The following PTPN13 variants were observed in gnomAD, a reference collection of about 807,000 sequenced individuals.
The protein encoded by PTPN13 is protein tyrosine phosphatase non-receptor type 13, also known as tyrosine-protein phosphatase non-receptor type 13.
Under a neutral mutation model 284.0 loss-of-function variants are expected in PTPN13, and 191 were observed. The ratio of observed to expected loss-of-function variants is 0.67; its 90% CI spans 0.60 to 0.76. The LOEUF (loss-of-function observed/expected upper bound fraction) is 0.76, where lower values mean the gene tolerates loss of function less well. Ranked by LOEUF, PTPN13 falls within the 30% of genes least tolerant of loss-of-function variation. PTPN13 has a pLI of 0.00. For synonymous variants in PTPN13, 986 were observed against 1,022.3 expected, an observed-to-expected ratio of 0.96 and a Z score of 0.68; for missense variants, 2,797 against 2,939.9, an observed-to-expected ratio of 0.95 and a Z score of 1.12.
chr4:86,746,234 T>G (rs746357325), intron 17 of PTPN13, among the ~76,000 whole-genome samples: 2 of 152,214 alleles, frequency 1.3e-5, no homozygotes, highest in Non-Finnish European at 2.9e-5. Context: ...TTCAGAGAGA[T>G]AAAACTGATT....
intron 2 of PTPN13, among the ~76,000 whole-genome samples, chr4:86,653,449 C>A (rs573738323): frequency 6.6e-6 from 1 of 151,492 alleles, no homozygotes; most frequent in East Asian, 1.9e-4. Flanking sequence ...ATTACTGCAG[C>A]CATTTCAGCA....
chr4:86,752,946 A>G, intron 19 of PTPN13, 63 bp from the exon 20 acceptor site: 1 of 1,220,046 alleles, frequency 8.2e-7, no homozygotes, highest in East Asian at 2.4e-5. Flanking sequence ...ATCAGAAGAA[A>G]TCACTTCGAT....
chr4:86,813,914 C>T (rs1745508949), intron 47 of PTPN13, among the ~76,000 whole-genome samples: 2 of 151,890 alleles, frequency 1.3e-5, no homozygotes, highest in African/African-American at 4.8e-5. Flanking sequence ...TTCCATCCCG[C>T]ATCCCTCAGG....
At chr4:86,645,642 T>C (rs927649291) in intron 2 of PTPN13, among the ~76,000 whole-genome samples, 15 of 152,050 alleles carry the variant, frequency 9.9e-5, no homozygotes, top group African/African-American at 3.4e-4. Flanking sequence ...ACAAAAGATA[T>C]GAAGGCCTAT....
chr4:86,732,744 G>T lies in PTPN13; in HGVS notation c.1836G>T (p.Leu612Phe). 5.6e-6 allele frequency: 9 copies of T among 1,612,812 alleles called. No homozygotes were observed. The highest frequency in any genetic ancestry group is 7.6e-6 in the Non-Finnish European group (9 of 1,179,344). ...ATATTGGCTTAGTAGAGCATCATTT[G>T]TTTGCTTTAGCTACCCTCAAAGGTA... ...VAHIGLVEHHLFALATLKDNE... is the reference protein window; with the variant it reads ...VAHIGLVEHHFFALATLKDNE... The change falls in exon 12 of 48, where the codon TTG (leucine) becomes TTT (phenylalanine). Residue 612 changes from leucine to phenylalanine, a missense_variant. By Grantham distance (22) the Leu-to-Phe change is conservative. Coordinates refer to ENST00000411767, the MANE Select transcript of PTPN13 (RefSeq NM_080683.3).
chr4:86,700,419 T>C (rs1463623308), intron 6 of PTPN13, among the ~76,000 whole-genome samples: 1 of 152,116 alleles, frequency 6.6e-6, no homozygotes, highest in Non-Finnish European at 1.5e-5. Context: ...ATTCACAAAA[T>C]TAATTTCTGG....
intron 1 of PTPN13, among the ~76,000 whole-genome samples, chr4:86,601,086 A>G (rs1279125618): frequency 6.6e-6 from 1 of 152,140 alleles, no homozygotes; most frequent in Non-Finnish European, 1.5e-5. Context: ...GCTTAAAGCA[A>G]TGTATAACAT....
chr4:86,660,811 C>T (rs1332221011), intron 2 of PTPN13, among the ~76,000 whole-genome samples: 2 of 152,116 alleles, frequency 1.3e-5, no homozygotes, highest in African/African-American at 4.8e-5. Context: ...AGTCAATACA[C>T]TGTGTTTTAA....
intron 6 of PTPN13, among the ~76,000 whole-genome samples, chr4:86,699,047 T>C (rs981677063): frequency 6.6e-6 from 1 of 152,112 alleles, no homozygotes; most frequent in Non-Finnish European, 1.5e-5. Flanking sequence ...ATATTGGGGA[T>C]TGGCCTTCAA....
In PTPN13 at chr4:86,594,328, G is replaced by C. The variant is rs1437345576; in HGVS notation, c.-467G>C. ...CCCCAGTGGTGCGAGTAGCTCCAGC[G>C]GCCACGCTGAGGCGAGGGTGACACA... On this transcript the variant is annotated 5_prime_UTR_variant, in exon 1 of 48. Coordinates refer to ENST00000411767, the MANE Select transcript of PTPN13 (RefSeq NM_080683.3). 1 of 152,408 alleles carries C rather than the reference G, an allele frequency of 6.6e-6. No individual in the cohort carries two copies. Among genetic ancestry groups the C allele is most frequent in the Admixed American group, 6.5e-5 (1 of 15,280 alleles). The allele number at this position is 152,408 out of a possible 1,614,324, so 9.4% of individuals were successfully genotyped here. A position where few individuals can be genotyped will look rare whatever the true frequency, so the allele number is the denominator to read the frequency against.
chr4:86,609,475 C>G (rs2149189025), intron 1 of PTPN13, among the ~76,000 whole-genome samples: 1 of 152,206 alleles, frequency 6.6e-6, no homozygotes, highest in East Asian at 1.9e-4. Context: ...GTCACCGAAG[C>G]CAGGAGGAGA....
chr4:86,635,293 G>C lies in PTPN13; in HGVS notation c.37G>C (p.Gly13Arg). Residue 13 changes from glycine (G) to arginine (R), a missense_variant, in exon 2 of 48, where the codon GGT (glycine) becomes CGT (arginine). By Grantham distance (125) the Gly-to-Arg change is moderately radical. Coordinates refer to ENST00000411767, the MANE Select transcript of PTPN13 (RefSeq NM_080683.3). ...ACTAGCTGAGGCCCTGGAGGTTCGG[G>C]GTGGACCACTTCAGGAGGAAGAAAT... Reference protein sequence around the residue: ...VSLAEALEVRGGPLQEEEIWA... With the variant: ...VSLAEALEVRRGPLQEEEIWA... 2 of 1,607,208 alleles carry C rather than the reference G, an allele frequency of 1.2e-6. No individual in the cohort carries two copies. The highest frequency in any genetic ancestry group is 1.7e-6 in the Non-Finnish European group (2 of 1,177,114).
In PTPN13 at chr4:86,770,140, T is replaced by C; in HGVS notation, c.4744T>C (p.Phe1582Leu). 6.2e-7 allele frequency: 1 copy of C among 1,613,812 alleles called. No individual in the cohort carries two copies. The highest frequency in any genetic ancestry group is 8.5e-7 in the Non-Finnish European group (1 of 1,179,806). ...SALRGTAPEV[F>L]LLLCRPPPGV... is the part of the protein sequence containing the mutation. Reference sequence around the variant, plus strand: ...TCTCAGGGGAACTGCTCCAGAAGTATTCTTGCTTCTCTGCAGACCTCCACC... The same window carrying C: ...TCTCAGGGGAACTGCTCCAGAAGTACTCTTGCTTCTCTGCAGACCTCCACC... The change falls in exon 30 of 48, where the codon TTC (phenylalanine) becomes CTC (leucine). Residue 1582 changes from phenylalanine (F) to leucine (L), a missense_variant. Transcript: ENST00000411767.
intron 7 of PTPN13, among the ~76,000 whole-genome samples, chr4:86,708,382 C>T (rs979998443): frequency 1.4e-4 from 21 of 151,700 alleles, no homozygotes; most frequent in Admixed American, 3.9e-4. Flanking sequence ...TCTCTTCTTT[C>T]GGTTTATCCA....
At position 86,790,981 on chromosome 4, in the gene PTPN13, A is replaced by G. The variant is rs190338062; in HGVS notation, c.6345+5045A>G. Among the ~76,000 whole-genome samples, 36 of 152,184 alleles carry G rather than the reference A, an allele frequency of 2.4e-4. No homozygotes were observed. In the East Asian group the frequency reaches 7.0e-3, roughly 29 times the overall value. ...CAACTGAGGTGCCTGGTTCATCTCA[A>G]TGGGACTCGTTGGACAGTGGGTGCA... On this transcript the variant is annotated intron_variant, in intron 40 of 47. Coordinates refer to ENST00000411767, the MANE Select transcript of PTPN13 (RefSeq NM_080683.3).
chr4:86,598,994 A>G (rs1412328562), intron 1 of PTPN13, among the ~76,000 whole-genome samples: 2 of 152,110 alleles, frequency 1.3e-5, no homozygotes, highest in Non-Finnish European at 2.9e-5. Flanking sequence ...TCCCTGGCCT[A>G]AAGCAGTTGT....
At chr4:86,613,345 G>A (rs1720143419) in intron 1 of PTPN13, among the ~76,000 whole-genome samples, 1 of 152,102 alleles carries the variant, frequency 6.6e-6, no homozygotes, top group South Asian at 2.1e-4. Context: ...TAAGAGTTTG[G>A]GGAGTAGTGG....
intron 23 of PTPN13, 52 bp downstream of exon 23, chr4:86,759,125 T>C: frequency 1.9e-6 from 3 of 1,562,014 alleles, no homozygotes; most frequent in Non-Finnish European, 2.6e-6. Context: ...TCTGTCTCAT[T>C]CCTTTTTAGT....
chr4:86,810,978 TG>T lies in PTPN13; in HGVS notation c.7300-67del. 5 of 1,479,630 alleles carry T rather than the reference TG, an allele frequency of 3.4e-6. No homozygotes were observed. The South Asian group carries it at 5.9e-5, about 18-fold the overall frequency. 91.7% of individuals were successfully genotyped at this position (1,479,630 alleles called of 1,614,324 possible). A position where few individuals can be genotyped will look rare whatever the true frequency, so the allele number is the denominator to read the frequency against. ...CAGAATTTTACATAAGCCTCCCCTCTGTGATCCTTTTGAGATTCAAATCCAG... is the reference window on the plus strand; with the variant it reads ...CAGAATTTTACATAAGCCTCCCCTCTTGATCCTTTTGAGATTCAAATCCAG... On this transcript the variant is annotated intron_variant, in intron 46 of 47. Transcript: ENST00000411767.
Sources: gnomAD v4.1 joint callset for allele counts (sites outside exome capture counted in the v4.1 genomes callset) on GRCh38, gnomAD v4.1.1 for gene constraint, MANE v1.5 for transcripts, NCBI Gene and HGNC (gene_info 2026-07-23, HGNC 2026-07-21) for gene names.